MYOM1: variants seen among roughly 807,000 people sequenced by gnomAD.
MYOM1 encodes the protein myomesin-1.
Under a neutral mutation model 205.3 loss-of-function variants are expected in MYOM1, and 164 were observed. The ratio of observed to expected loss-of-function variants is 0.80; its 90% CI spans 0.70 to 0.91. The LOEUF (loss-of-function observed/expected upper bound fraction) is 0.91, where lower values mean the gene tolerates loss of function less well. MYOM1 is among the 40% of genes least tolerant of loss of function. The pLI is 0.00. For synonymous variants in MYOM1, 772 were observed against 789.4 expected, an observed-to-expected ratio of 0.98 and a Z score of 0.37; for missense variants, 2,011 against 2,127.3, an observed-to-expected ratio of 0.95 and a Z score of 1.08.
intron 5 of MYOM1, among the ~76,000 whole-genome samples, chr18:3,180,456 T>G (rs1002291384): frequency 6.6e-6 from 1 of 152,168 alleles, no homozygotes; most frequent in African/African-American, 2.4e-5. Context: ...AGTGAGGCAT[T>G]TAGGTTTGCA....
chr18:3,207,548 C>T (rs9948992), intron 2 of MYOM1, among the ~76,000 whole-genome samples: 31,377 of 152,068 alleles, frequency 0.21, 3,421 homozygotes, highest in African/African-American at 0.29. Flanking sequence ...AGACATTGCA[C>T]GAAAGTTACC....
chr18:3,218,537 A>G (rs2081296864), intron 1 of MYOM1, among the ~76,000 whole-genome samples: 1 of 152,206 alleles, frequency 6.6e-6, no homozygotes, highest in African/African-American at 2.4e-5. Flanking sequence ...CCTTAAATAG[A>G]TGGCTATTTT....
At chr18:3,070,700 A>T (rs146227651) in intron 37 of MYOM1, among the ~76,000 whole-genome samples, 2 of 152,158 alleles carry the variant, frequency 1.3e-5, no homozygotes, top group East Asian at 3.9e-4. Flanking sequence ...ACATCAGTTT[A>T]AAACCAAATG....
At chr18:3,095,000 G>A (rs1406741851) in intron 25 of MYOM1, among the ~76,000 whole-genome samples, 2 of 152,048 alleles carry the variant, frequency 1.3e-5, no homozygotes, top group African/African-American at 4.8e-5. Context: ...CTAAACTTAT[G>A]TCAAATGTAA....
In MYOM1 at chr18:3,215,036, C is replaced by T. The variant is rs765634061; in HGVS notation, c.188G>A (p.Arg63Gln). ...AHRRESEAFR[R>Q]ASASSSQQQA... ...CTGCTGGGAGGAGGAGGCGGACGCC[C>T]GACGGAAGGCCTCGGACTCCCGGCG... The change falls in exon 2 of 38, where the codon CGG (arginine) becomes CAG (glutamine). Residue 63 changes from arginine (R) to glutamine (Q), a missense_variant. Transcript: ENST00000356443. 3 of 1,612,620 alleles carry T rather than the reference C, an allele frequency of 1.9e-6. No individual in the cohort carries two copies. The highest frequency in any genetic ancestry group is 2.5e-6 in the Non-Finnish European group (3 of 1,179,422).
At chr18:3,229,976 C>A in the MYOM1 span, among the ~76,000 whole-genome samples, 60 of 79,064 alleles carry the variant, frequency 7.6e-4, no homozygotes, top group African/African-American at 1.1e-3. Context: ...AACTCCATCT[C>A]AAAAAAAAAA....
chr18:3,100,013 G>T, intron 25 of MYOM1, 146 bp downstream of exon 25: 2 of 776,254 alleles, frequency 2.6e-6, no homozygotes, highest in Non-Finnish European at 4.2e-6. Flanking sequence ...CTTCTAGAAA[G>T]CACATCTGTA....
intron 33 of MYOM1, among the ~76,000 whole-genome samples, chr18:3,082,927 C>T (rs2079101220): frequency 6.6e-6 from 1 of 152,212 alleles, no homozygotes; most frequent in Non-Finnish European, 1.5e-5. Context: ...GCTATAACAA[C>T]AACAATAATC....
chr18:3,212,193 A>G (rs1377020466), intron 2 of MYOM1, among the ~76,000 whole-genome samples: 3 of 152,234 alleles, frequency 2.0e-5, no homozygotes, highest in Non-Finnish European at 4.4e-5. Flanking sequence ...CTAGGTCAGC[A>G]TGCTTCTACC....
the MYOM1 span, among the ~76,000 whole-genome samples, chr18:3,229,893 T>C: frequency 3.4e-5 from 5 of 148,008 alleles, no homozygotes; most frequent in African/African-American, 1.3e-4. Flanking sequence ...GGAGAATCAG[T>C]TGAACCCAGG....
At chr18:3,160,333 A>G in intron 10 of MYOM1, among the ~76,000 whole-genome samples, 1 of 152,040 alleles carries the variant, frequency 6.6e-6, no homozygotes, top group East Asian at 1.9e-4. Context: ...GACTACAGGC[A>G]TGCATCACAC....
At chr18:3,223,200 T>C (rs1436438124), upstream of MYOM1, among the ~76,000 whole-genome samples, 2 of 152,234 alleles carry the variant, frequency 1.3e-5, no homozygotes, top group African/African-American at 4.8e-5. Flanking sequence ...AATTTCTTAA[T>C]TCATAAAATG....
At position 3,119,967 on chromosome 18, in the gene MYOM1, T is replaced by C. The variant is rs1041583130; in HGVS notation, c.3020A>G (p.Tyr1007Cys). 3 of 1,606,898 alleles carry C rather than the reference T, an allele frequency of 1.9e-6. No individual in the cohort carries two copies. In the African/African-American group the frequency reaches 4.0e-5, roughly 21 times the overall value. The change falls in exon 20 of 38, where the codon TAT becomes TGT. Residue 1007 changes from tyrosine (Y) to cysteine (C), a missense_variant. Transcript: ENST00000356443. ...KISNLKENMV[Y>C]QFQVAAMNMA... ...GTTCATGGCTGCCACTTGGAACTGA[T>C]ACACCATGTTTTCCTTCAAGTTGCT... is the stretch of plus-strand genomic sequence containing the variant.
Position 3,173,929 on chromosome 18 carries a change from T to G in MYOM1, c.1174+9A>C, listed in dbSNP as rs777997256. 6.2e-7 allele frequency: 1 copy of G among 1,612,448 alleles called. No individual in the cohort carries two copies. The highest frequency in any genetic ancestry group is 8.5e-7 in the Non-Finnish European group (1 of 1,178,498). ...AGGTGACACTTAGTAAATGTGTTTT[T>G]AAACTTACAGCTGAGGGGCATGGTG... On this transcript the variant is annotated intron_variant, in intron 8 of 37. Coordinates refer to ENST00000356443, the MANE Select transcript of MYOM1 (RefSeq NM_003803.4).
chr18:3,197,437 C>A (rs1177945675), intron 2 of MYOM1, among the ~76,000 whole-genome samples: 1 of 151,894 alleles, frequency 6.6e-6, no homozygotes, highest in Non-Finnish European at 1.5e-5. Context: ...CAAGTACTCT[C>A]AATTTAAAAA....
rs2080180956 is a variant in MYOM1 at position 3,149,163 on chromosome 18, T to C, written c.1882A>G (p.Thr628Ala). Residue 628 changes from threonine to alanine, a missense_variant, in exon 13 of 38, where the codon ACT (threonine) becomes GCT (alanine). Coordinates refer to ENST00000356443, the MANE Select transcript of MYOM1 (RefSeq NM_003803.4). ...TTCTTACCTGAAGGTTCCTCTTCAG[T>C]AACAATGATCTGTCCAGTCCAGGGT... ...SAPWTGQIIVTEEEPSEGIVP... is the reference protein window; with the variant it reads ...SAPWTGQIIVAEEEPSEGIVP... 4 of 1,613,768 alleles carry C rather than the reference T, an allele frequency of 2.5e-6. No individual in the cohort carries two copies. The African/African-American group carries it at 4.0e-5, about 16-fold the overall frequency.
chr18:3,173,894 T>C lies in MYOM1; in HGVS notation c.1174+44A>G, dbSNP rs565341930. Reference sequence around the variant, plus strand: ...TTATGGGCTAACTTATTATGCCATATTTTACATAGAGGTGACACTTAGTAA... The same window carrying C: ...TTATGGGCTAACTTATTATGCCATACTTTACATAGAGGTGACACTTAGTAA... On this transcript the variant is annotated intron_variant, in intron 8 of 37. Coordinates refer to ENST00000356443, the MANE Select transcript of MYOM1 (RefSeq NM_003803.4). 3.2e-6 allele frequency: 5 copies of C among 1,555,566 alleles called. No individual in the cohort carries two copies. In the East Asian group the frequency reaches 9.0e-5, roughly 28 times the overall value.
chr18:3,125,092 G>A (rs1336080549), intron 19 of MYOM1, among the ~76,000 whole-genome samples: 1 of 152,194 alleles, frequency 6.6e-6, no homozygotes, highest in African/African-American at 2.4e-5. Flanking sequence ...GATTGTCAAA[G>A]CTGAAAATGT....
At chr18:3,228,187 G>C in the MYOM1 span, among the ~76,000 whole-genome samples, 3 of 152,200 alleles carry the variant, frequency 2.0e-5, no homozygotes, top group African/African-American at 7.2e-5. The surrounding 1 kb of genome is among the most constrained non-coding windows in gnomAD (Gnocchi z 4.5). Flanking sequence ...GGTGACACCT[G>C]CAGTCACAGT....
Sources: allele counts gnomAD v4.1 joint callset (sites outside exome capture counted in the v4.1 genomes callset), GRCh38; gene constraint gnomAD v4.1.1; non-coding constraint Gnocchi (gnomAD v3.1); transcripts MANE v1.5; gene names NCBI Gene and HGNC (gene_info 2026-07-23, HGNC 2026-07-21).